SEMA3A: variants seen among roughly 807,000 people sequenced by gnomAD.
SEMA3A encodes the protein semaphorin-3A.
A neutral mutation model predicts 97.9 loss-of-function variants in SEMA3A; 29 were observed. The observed-to-expected ratio is 0.30, with a 90% confidence interval of 0.22 to 0.40. SEMA3A has a LOEUF of 0.40. Ranked by LOEUF, SEMA3A falls within the 10% of genes least tolerant of loss-of-function variation. The pLI is 1.00. For missense variants in SEMA3A, 763 were observed against 951.3 expected, an observed-to-expected ratio of 0.80 and a Z score of 2.60; for synonymous variants, 321 against 323.7, an observed-to-expected ratio of 0.99 and a Z score of 0.09.
chr7:84,457,521 G>T (rs1805714525), intron 1 of SEMA3A, among the ~76,000 whole-genome samples: 1 of 151,792 alleles, frequency 6.6e-6, no homozygotes, highest in South Asian at 2.1e-4. Context: ...TAAATTTAAA[G>T]AACTTTTAAT....
intron 1 of SEMA3A, among the ~76,000 whole-genome samples, chr7:84,144,360 A>G (rs1388036027): frequency 1.3e-5 from 2 of 152,068 alleles, no homozygotes; most frequent in Non-Finnish European, 2.9e-5. Flanking sequence ...CACAAGAAAT[A>G]GAGGCTTAAT....
chr7:84,012,508 G>A (rs1236630157), intron 7 of SEMA3A, among the ~76,000 whole-genome samples: 2 of 152,174 alleles, frequency 1.3e-5, no homozygotes, highest in Admixed American at 1.3e-4. Flanking sequence ...CTTGTACACA[G>A]TAGGCATTCA....
intron 4 of SEMA3A, among the ~76,000 whole-genome samples, chr7:84,075,297 C>A (rs1416349590): frequency 1.3e-5 from 2 of 151,584 alleles, no homozygotes; most frequent in Admixed American, 1.3e-4. Flanking sequence ...CCTCAGCCTC[C>A]CGAGTAGCTG....
chr7:84,295,149 A>G (rs1584211221), intron 3 of SEMA3A, among the ~76,000 whole-genome samples: 2 of 152,176 alleles, frequency 1.3e-5, no homozygotes, highest in East Asian at 3.9e-4. Context: ...ATATAAAAGG[A>G]TTTGATTTAG....
intron 2 of SEMA3A, among the ~76,000 whole-genome samples, chr7:84,343,727 C>CA (rs1802228994): frequency 6.6e-6 from 1 of 152,030 alleles, no homozygotes; most frequent in African/African-American, 2.4e-5. Flanking sequence ...TGACTGGGCA[C>CA]AGGGGCTTAC....
chr7:84,298,202 A>G lies in SEMA3A; in HGVS notation c.-83+9005T>C, dbSNP rs577015238. On this transcript the variant is annotated intron_variant, in intron 3 of 3. Transcript: ENST00000424555. ...TTCTGCCTATCAAACCTACGGAAACATATTGCCATCATTCATAATAACATA... is the reference window on the plus strand; with the variant it reads ...TTCTGCCTATCAAACCTACGGAAACGTATTGCCATCATTCATAATAACATA... Among the ~76,000 whole-genome samples the G allele has an allele frequency of 6.2e-4, 95 of 152,290 alleles. 1 individual carries two copies. The highest frequency in any genetic ancestry group is 2.1e-3 in the African/African-American group (89 of 41,576).
chr7:84,354,966 C>G (rs1472172140), intron 2 of SEMA3A, among the ~76,000 whole-genome samples: 1 of 151,544 alleles, frequency 6.6e-6, no homozygotes, highest in African/African-American at 2.4e-5. Flanking sequence ...AGTTTTTCTC[C>G]TATTTCAACT....
chr7:84,441,331 C>T (rs1381134520), intron 1 of SEMA3A, among the ~76,000 whole-genome samples: 1 of 151,026 alleles, frequency 6.6e-6, no homozygotes, highest in East Asian at 1.9e-4. Context: ...AAAATGGAAA[C>T]ATCAATAAAG....
At chr7:84,218,706 A>G (rs1798807258) in intron 3 of SEMA3A, among the ~76,000 whole-genome samples, 1 of 152,136 alleles carries the variant, frequency 6.6e-6, no homozygotes, top group Non-Finnish European at 1.5e-5. Flanking sequence ...TCAACTGAGT[A>G]TGGTAATATA....
At chr7:84,094,197 A>G (rs1794680480) in intron 4 of SEMA3A, among the ~76,000 whole-genome samples, 1 of 152,100 alleles carries the variant, frequency 6.6e-6, no homozygotes, top group African/African-American at 2.4e-5. Flanking sequence ...GGTGACGTTT[A>G]CACTTCTGGT....
chr7:83,985,332 A>G (rs1341641054), intron 13 of SEMA3A, 104 bp downstream of exon 13: 3 of 804,302 alleles, frequency 3.7e-6, no homozygotes, highest in Admixed American at 5.0e-5. Flanking sequence ...GTATTTTTGT[A>G]TAATTGTTAA....
chr7:84,079,135 G>T (rs887452684), intron 4 of SEMA3A, among the ~76,000 whole-genome samples: 1 of 151,746 alleles, frequency 6.6e-6, no homozygotes, highest in Non-Finnish European at 1.5e-5. Flanking sequence ...GAATGAATCA[G>T]GCATTTAATT....
chr7:84,165,551 T>C (rs1797179252), intron 1 of SEMA3A, among the ~76,000 whole-genome samples: 1 of 152,090 alleles, frequency 6.6e-6, no homozygotes, highest in African/African-American at 2.4e-5. Flanking sequence ...TGGTTATATA[T>C]ACCAGTACCT....
chr7:84,392,533 TG>T (rs752540422), intron 1 of SEMA3A, among the ~76,000 whole-genome samples: 4 of 152,174 alleles, frequency 2.6e-5, no homozygotes, highest in Non-Finnish European at 5.9e-5. Context: ...TAAACATGGA[TG>T]TGCAAACATC....
At chr7:84,176,881 G>A (rs1164698379) in intron 1 of SEMA3A, among the ~76,000 whole-genome samples, 1 of 152,050 alleles carries the variant, frequency 6.6e-6, no homozygotes, top group Non-Finnish European at 1.5e-5. Context: ...AACTGACTAT[G>A]GAAACTGGAA....
intron 12 of SEMA3A, 42 bp downstream of exon 12, chr7:84,001,913 T>C (rs899107453): frequency 2.0e-5 from 27 of 1,375,154 alleles, no homozygotes; most frequent in Non-Finnish European, 2.6e-5. Context: ...GGGAAAGACG[T>C]ACAACTGAAC....
chr7:84,055,322 T>C (rs1420186816), intron 5 of SEMA3A, among the ~76,000 whole-genome samples: 1 of 152,206 alleles, frequency 6.6e-6, no homozygotes, highest in Non-Finnish European at 1.5e-5. Flanking sequence ...GCCTTGCAGT[T>C]TGATCTCAGA....
At chr7:84,144,163 T>C (rs1796398808) in intron 1 of SEMA3A, among the ~76,000 whole-genome samples, 1 of 151,646 alleles carries the variant, frequency 6.6e-6, no homozygotes, top group African/African-American at 2.4e-5. Context: ...AAAATAATAA[T>C]AATAATAATA....
chr7:84,357,214 T>C (rs1802583916), intron 2 of SEMA3A, among the ~76,000 whole-genome samples: 1 of 152,012 alleles, frequency 6.6e-6, no homozygotes, highest in Non-Finnish European at 1.5e-5. Context: ...TGTGCCATGT[T>C]GGTGTGCTGC....
Sources: gnomAD v4.1 joint callset for allele counts (sites outside exome capture counted in the v4.1 genomes callset) on GRCh38, gnomAD v4.1.1 for gene constraint, MANE v1.5 for transcripts, NCBI Gene and HGNC (gene_info 2026-07-23, HGNC 2026-07-21) for gene names.